Variants in CTNNA3 observed in about 807,000 individuals in gnomAD.
The protein encoded by CTNNA3 is catenin alpha 3.
Under a neutral mutation model 95.7 loss-of-function variants are expected in CTNNA3, and 76 were observed. That is an observed-to-expected ratio of 0.79 (90% CI 0.66 to 0.96). The LOEUF (loss-of-function observed/expected upper bound fraction) is 0.96, where lower values mean the gene tolerates loss of function less well. CTNNA3 is among the 40% of genes least tolerant of loss of function. CTNNA3 has a pLI of 0.00. For missense variants in CTNNA3, 1,191 were observed against 1,089.8 expected (o/e 1.09, Z -1.31); for synonymous variants, 431 against 374.4 (o/e 1.15, Z -1.74).
chr10:66,444,654 T>C (rs188875455), intron 11 of CTNNA3, among the ~76,000 whole-genome samples: 1 of 152,030 alleles, frequency 6.6e-6, no homozygotes, highest in Admixed American at 6.6e-5. Flanking sequence ...AGGCCTGCCC[T>C]AAAAGAGCTC....
chr10:66,840,374 A>T (rs200943439), intron 7 of CTNNA3, among the ~76,000 whole-genome samples: 2,405 of 74,192 alleles, frequency 0.032, 38 homozygotes, highest in East Asian at 0.16. Context: ...TCTCTCTCTC[A>T]CACACACACA....
chr10:67,759,402 G>A (rs1026365280), intron 1 of CTNNA3, among the ~76,000 whole-genome samples: 2 of 152,188 alleles, frequency 1.3e-5, no homozygotes, highest in African/African-American at 4.8e-5. Flanking sequence ...TTTGAGTGAA[G>A]TGCAAAAGCA....
intron 5 of CTNNA3, among the ~76,000 whole-genome samples, chr10:67,458,280 T>A (rs923388109): frequency 6.6e-6 from 1 of 152,156 alleles, no homozygotes; most frequent in Admixed American, 6.6e-5. Flanking sequence ...TCAAGAATCA[T>A]AGTATTAGAA....
intron 1 of CTNNA3, among the ~76,000 whole-genome samples, chr10:67,712,346 G>C (rs1004601394): frequency 1.3e-5 from 2 of 152,208 alleles, no homozygotes; most frequent in African/African-American, 4.8e-5. Flanking sequence ...TAAATAATGA[G>C]GAGCCAAGTG....
chr10:67,708,396 C>A (rs568124600), intron 1 of CTNNA3, among the ~76,000 whole-genome samples: 1 of 152,142 alleles, frequency 6.6e-6, no homozygotes, highest in Non-Finnish European at 1.5e-5. Flanking sequence ...ATAAACCAGA[C>A]CATCTTGTAT....
intron 5 of CTNNA3, among the ~76,000 whole-genome samples, chr10:67,390,503 T>G (rs986243939): frequency 6.6e-6 from 1 of 152,052 alleles, no homozygotes; most frequent in African/African-American, 2.4e-5. Context: ...CCATTCCTAC[T>G]GAAACTATTC....
At position 66,420,835 on chromosome 10, in the gene CTNNA3, A is replaced by T. The variant is rs10997110; in HGVS notation, c.1532-41483T>A. ...TAAATAAATAAATAAATAAATAAAT[A>T]AATAAAAAACAATATGGAGATTTCT... On this transcript the variant is annotated intron_variant, in intron 11 of 17. Transcript: ENST00000433211. Among the ~76,000 whole-genome samples the T allele has an allele frequency of 9.0e-3, 839 of 92,974 alleles. 6 individuals carry two copies. The highest frequency in any genetic ancestry group is 0.028 in the African/African-American group (708 of 24,938). 61.0% of individuals were successfully genotyped at this position (92,974 alleles called of 152,430 possible). A position where few individuals can be genotyped will look rare whatever the true frequency, so the allele number is the denominator to read the frequency against.
At chr10:67,116,077 G>A (rs1192721732) in intron 7 of CTNNA3, among the ~76,000 whole-genome samples, 1 of 151,718 alleles carries the variant, frequency 6.6e-6, no homozygotes, top group Non-Finnish European at 1.5e-5. Context: ...AACTAGATGA[G>A]TCAACTATTC....
At chr10:67,552,478 G>A (rs547107208) in intron 3 of CTNNA3, among the ~76,000 whole-genome samples, 1 of 151,090 alleles carries the variant, frequency 6.6e-6, no homozygotes, top group East Asian at 2.0e-4. Context: ...AGATGTGTTT[G>A]TCTCCACATC....
intron 14 of CTNNA3, among the ~76,000 whole-genome samples, chr10:66,096,937 G>C (rs1021251037): frequency 2.0e-5 from 3 of 152,168 alleles, no homozygotes; most frequent in Non-Finnish European, 4.4e-5. Flanking sequence ...AAAACTCCCA[G>C]TGCAGAGCCA....
At chr10:66,189,427 T>C (rs1383236861) in intron 13 of CTNNA3, among the ~76,000 whole-genome samples, 5 of 151,848 alleles carry the variant, frequency 3.3e-5, no homozygotes, top group Admixed American at 2.6e-4. Flanking sequence ...CTTTTGCATA[T>C]GGATATTCAG....
intron 9 of CTNNA3, among the ~76,000 whole-genome samples, chr10:66,680,241 A>C (rs1288538170): frequency 2.0e-5 from 3 of 151,982 alleles, no homozygotes; most frequent in African/African-American, 7.3e-5. Flanking sequence ...TGTGTTAGCC[A>C]GGATGGTCTC....
chr10:67,374,478 G>A (rs1434259597), intron 5 of CTNNA3, among the ~76,000 whole-genome samples: 2 of 152,068 alleles, frequency 1.3e-5, no homozygotes, highest in Non-Finnish European at 2.9e-5. Flanking sequence ...TTTTCCATAA[G>A]GAAGAGTTAT....
intron 9 of CTNNA3, among the ~76,000 whole-genome samples, chr10:66,673,411 T>A (rs1846735013): frequency 6.6e-6 from 1 of 152,134 alleles, no homozygotes; most frequent in African/African-American, 2.4e-5. Flanking sequence ...TGCTAAATTG[T>A]AAGTGGTTCT....
chr10:66,457,036 A>G (rs1352110313), intron 11 of CTNNA3, among the ~76,000 whole-genome samples: 1 of 151,710 alleles, frequency 6.6e-6, no homozygotes, highest in Non-Finnish European at 1.5e-5. Flanking sequence ...CGTGTCTGGA[A>G]TGAGCTTTGA....
At chr10:67,600,711 A>G (rs1162376631) in intron 3 of CTNNA3, among the ~76,000 whole-genome samples, 2 of 152,230 alleles carry the variant, frequency 1.3e-5, no homozygotes, top group African/African-American at 4.8e-5. Context: ...CCTAGGTATT[A>G]GTCCAAAAGA....
intron 7 of CTNNA3, among the ~76,000 whole-genome samples, chr10:66,893,456 T>C (rs1845349532): frequency 6.6e-6 from 1 of 151,852 alleles, no homozygotes; most frequent in South Asian, 2.1e-4. Context: ...ATAAAAGAAA[T>C]TCAATAAACT....
chr10:67,547,075 C>T (rs187025635), intron 3 of CTNNA3, among the ~76,000 whole-genome samples: 20 of 152,282 alleles, frequency 1.3e-4, no homozygotes, highest in Middle Eastern at 3.4e-3. Flanking sequence ...ACGATTATAA[C>T]ATGGTCTCCA....
At chr10:67,666,884 C>T (rs1019708753) in intron 1 of CTNNA3, among the ~76,000 whole-genome samples, 1 of 152,054 alleles carries the variant, frequency 6.6e-6, no homozygotes, top group Admixed American at 6.6e-5. Flanking sequence ...ACTAGAAGAC[C>T]AAGAAGTGGC....
Sources: gnomAD v4.1 joint callset for allele counts (sites outside exome capture counted in the v4.1 genomes callset) on GRCh38, gnomAD v4.1.1 for gene constraint, MANE v1.5 for transcripts, NCBI Gene and HGNC (gene_info 2026-07-23, HGNC 2026-07-21) for gene names.